CADM2: variants seen among roughly 807,000 people sequenced by gnomAD.
CADM2 encodes the protein cell adhesion molecule 2.
A neutral mutation model predicts 49.8 loss-of-function variants in CADM2; 12 were observed. The ratio of observed to expected loss-of-function variants is 0.24; its 90% CI spans 0.15 to 0.39. The LOEUF (loss-of-function observed/expected upper bound fraction) is 0.39. Among genes scored for constraint, CADM2 ranks in the 10% least tolerant of loss-of-function variants. The pLI, the probability that CADM2 is intolerant of heterozygous loss-of-function variation, is 1.00. For missense variants in CADM2, 378 were observed against 492.3 expected (o/e 0.77, Z 2.20); for synonymous variants, 214 against 175.4 (o/e 1.22, Z -1.74).
chr3:85,281,590 T>C (rs551863598), intron 1 of CADM2, among the ~76,000 whole-genome samples: 17 of 152,206 alleles, frequency 1.1e-4, no homozygotes, highest in Non-Finnish European at 2.1e-4. Context: ...AGTATGAGAA[T>C]AGTTTCACAC....
At chr3:86,065,764 G>C in intron 9 of CADM2, 34 bp downstream of exon 9, 1 of 1,605,494 alleles carries the variant, frequency 6.2e-7, no homozygotes. Context: ...CACAATGTGG[G>C]CAAAATATTC....
intron 2 of CADM2, among the ~76,000 whole-genome samples, chr3:85,726,878 A>G (rs568386973): frequency 4.6e-5 from 7 of 152,244 alleles, no homozygotes; most frequent in African/African-American, 1.7e-4. Flanking sequence ...TGGGCAAAAT[A>G]CAGCATAAAA....
chr3:85,067,100 ATGT>A (rs772850581), intron 1 of CADM2, among the ~76,000 whole-genome samples: 1 of 152,160 alleles, frequency 6.6e-6, no homozygotes, highest in Non-Finnish European at 1.5e-5. Context: ...TTTTTAAAAA[ATGT>A]TGTACTCTAC....
intron 1 of CADM2, among the ~76,000 whole-genome samples, chr3:85,473,347 C>G (rs1430569421): frequency 1.3e-5 from 2 of 152,078 alleles, no homozygotes; most frequent in Non-Finnish European, 2.9e-5. Flanking sequence ...TATGCCTTTA[C>G]TCTTGACAAG....
chr3:85,160,989 AAG>A (rs1348732730), intron 1 of CADM2, among the ~76,000 whole-genome samples: 1 of 152,154 alleles, frequency 6.6e-6, no homozygotes, highest in Non-Finnish European at 1.5e-5. Flanking sequence ...AAAGCTTGTA[AAG>A]CTCCAGGATG....
chr3:85,868,086 T>C (rs2075789562), intron 3 of CADM2, among the ~76,000 whole-genome samples: 1 of 152,016 alleles, frequency 6.6e-6, no homozygotes, highest in Admixed American at 6.6e-5. Context: ...TAGATAGATG[T>C]AATTAACTTA....
chr3:85,418,855 C>A (rs1429329052), intron 1 of CADM2, among the ~76,000 whole-genome samples: 4 of 152,010 alleles, frequency 2.6e-5, no homozygotes, highest in African/African-American at 9.7e-5. Context: ...AGATAGTAAC[C>A]ATTTAATTAT....
intron 1 of CADM2, among the ~76,000 whole-genome samples, chr3:85,085,512 G>C (rs2037334262): frequency 6.6e-6 from 1 of 151,968 alleles, no homozygotes; most frequent in South Asian, 2.1e-4. Context: ...CATCATTGAT[G>C]GACATTTCAG....
intron 1 of CADM2, among the ~76,000 whole-genome samples, chr3:85,038,082 T>C (rs550049745): frequency 6.6e-6 from 1 of 152,284 alleles, no homozygotes; most frequent in East Asian, 1.9e-4. Context: ...TAGTTTGTGG[T>C]CTTTTCTTAG....
chr3:85,306,842 A>C (rs970617458), intron 1 of CADM2, among the ~76,000 whole-genome samples: 2 of 151,778 alleles, frequency 1.3e-5, no homozygotes, highest in African/African-American at 4.8e-5. Flanking sequence ...TATATGGAAT[A>C]AATTGCCCAA....
Position 85,768,166 on chromosome 3 carries a change from G to C in CADM2, c.89-33881G>C, listed in dbSNP as rs1222258312. Among the ~76,000 whole-genome samples the C allele has an allele frequency of 2.0e-5, 3 of 152,030 alleles. No homozygotes were observed. In the South Asian group the frequency reaches 6.2e-4, roughly 32 times the overall value. On this transcript the variant is annotated intron_variant, in intron 2 of 9. Transcript: ENST00000383699. Reference sequence around the variant, plus strand: ...TATTTATTTAAAATATATTTTACTGGCCGGGCGCAGTGGCTCACGCCTGTA... The same window carrying C: ...TATTTATTTAAAATATATTTTACTGCCCGGGCGCAGTGGCTCACGCCTGTA...
At chr3:85,192,960 T>C (rs936776898) in intron 1 of CADM2, among the ~76,000 whole-genome samples, 1 of 152,060 alleles carries the variant, frequency 6.6e-6, no homozygotes, top group Non-Finnish European at 1.5e-5. Context: ...GATGCAAGTA[T>C]AAATGATGGA....
rs60149715 is a variant in CADM2, at chr3:85,149,109, T to TA, written c.61+189448dup. Among the ~76,000 whole-genome samples, 309 of 151,844 alleles carry TA rather than the reference T, an allele frequency of 2.0e-3. 1 individual carries two copies. The highest frequency in any genetic ancestry group is 7.0e-3 in the African/African-American group (288 of 41,394). ...TTTTTATGGTTAGTGCTTTTTTTTT[T>TA]AAAAAAATCAATAATTAGAAAAATA... On this transcript the variant is annotated intron_variant, in intron 1 of 9. Transcript: ENST00000383699.
intron 1 of CADM2, among the ~76,000 whole-genome samples, chr3:85,482,716 G>A (rs890236403): frequency 6.6e-6 from 1 of 151,310 alleles, no homozygotes; most frequent in Non-Finnish European, 1.5e-5. Context: ...TTACATGAAG[G>A]GCATTTTAAA....
intron 1 of CADM2, among the ~76,000 whole-genome samples, chr3:85,045,510 T>A (rs79211985): frequency 0.02 from 3,055 of 152,238 alleles, 95 homozygotes; most frequent in African/African-American, 0.069. Context: ...AGAAATGGTA[T>A]TTCTATTTAT....
At chr3:85,273,048 G>A (rs577630382) in intron 1 of CADM2, among the ~76,000 whole-genome samples, 3 of 150,984 alleles carry the variant, frequency 2.0e-5, no homozygotes, top group African/African-American at 4.9e-5. Flanking sequence ...CTGTGATTTT[G>A]GATGAAATTT....
chr3:85,862,686 A>G (rs541138424), intron 3 of CADM2, among the ~76,000 whole-genome samples: 140 of 152,276 alleles, frequency 9.2e-4, no homozygotes, highest in African/African-American at 3.2e-3. Flanking sequence ...AACTACTCTT[A>G]CTAGATTATT....
At chr3:85,224,101 T>C (rs2042098980) in intron 1 of CADM2, among the ~76,000 whole-genome samples, 1 of 152,184 alleles carries the variant, frequency 6.6e-6, no homozygotes, top group South Asian at 2.1e-4. Flanking sequence ...TGATTTATAA[T>C]CCTTTGGGTA....
In CADM2 at chr3:85,754,454, A is replaced by G. The variant is rs941289041; in HGVS notation, c.88+27906A>G. 9.2e-5 allele frequency among the ~76,000 whole-genome samples: 14 copies of G among 152,248 alleles called. No homozygotes were observed. The Middle Eastern group carries it at 0.01, about 111-fold the overall frequency. ...AGGATTCACAGATTTTTAAATCACTATCTCATATGGAACTCACCGTAAGCC... is the reference window on the plus strand; with the variant it reads ...AGGATTCACAGATTTTTAAATCACTGTCTCATATGGAACTCACCGTAAGCC... On this transcript the variant is annotated intron_variant, in intron 2 of 9. Transcript: ENST00000383699.
Sources: allele counts gnomAD v4.1 joint callset (sites outside exome capture counted in the v4.1 genomes callset), GRCh38; gene constraint gnomAD v4.1.1; transcripts MANE v1.5; gene names NCBI Gene and HGNC (gene_info 2026-07-23, HGNC 2026-07-21).